MACROD2: variants seen among roughly 807,000 people sequenced by gnomAD.
The protein encoded by MACROD2 is mono-ADP ribosylhydrolase 2.
Under a neutral mutation model 70.4 loss-of-function variants are expected in MACROD2, and 36 were observed. That is an observed-to-expected ratio of 0.51 (90% CI 0.39 to 0.68). The LOEUF (loss-of-function observed/expected upper bound fraction) is 0.68. MACROD2 is among the 30% of genes least tolerant of loss of function. The pLI is 0.00. For synonymous variants in MACROD2, 172 were observed against 178.8 expected, an observed-to-expected ratio of 0.96 and a Z score of 0.30; for missense variants, 496 against 538.4, an observed-to-expected ratio of 0.92 and a Z score of 0.78.
chr20:14,337,711 C>G (rs1396606715), intron 3 of MACROD2: 5 of 393,584 alleles, frequency 1.3e-5, no homozygotes, highest in Non-Finnish European at 2.2e-5. Context: ...AGATCTTGTT[C>G]AGTGAGGTAA....
At chr20:15,166,900 TAATTTAAGTATTTAATTTAAGTATTA>T (rs1371416305) in intron 5 of MACROD2, among the ~76,000 whole-genome samples, 33 of 150,300 alleles carry the variant, frequency 2.2e-4, no homozygotes, top group Admixed American at 4.0e-4. Context: ...TATTAAGTAT[TAATTTAAGTATTTAATTTAAGTATTA>T]AATTTAAGTA....
chr20:15,593,567 GA>G (rs1009154213), intron 8 of MACROD2, among the ~76,000 whole-genome samples: 13 of 152,136 alleles, frequency 8.5e-5, no homozygotes, highest in African/African-American at 3.1e-4. Context: ...GTAATCTAAG[GA>G]CTATGGAATA....
chr20:15,237,625 AGAG>A (rs1019214904), intron 6 of MACROD2, among the ~76,000 whole-genome samples: 12 of 152,052 alleles, frequency 7.9e-5, no homozygotes, highest in African/African-American at 2.7e-4. Context: ...GGAACAGCGC[AGAG>A]GAGTGGGGAT....
intron 4 of MACROD2, among the ~76,000 whole-genome samples, chr20:14,612,449 T>C (rs1025744108): frequency 1.3e-5 from 2 of 152,116 alleles, no homozygotes; most frequent in Non-Finnish European, 1.5e-5. Context: ...ATAATAATTG[T>C]ACTGTAATTT....
chr20:15,506,308 G>T (rs1221895430), intron 8 of MACROD2, among the ~76,000 whole-genome samples: 2 of 152,188 alleles, frequency 1.3e-5, no homozygotes, highest in African/African-American at 4.8e-5. Flanking sequence ...TGCTGAAGAA[G>T]CTGAACATAT....
intron 3 of MACROD2, among the ~76,000 whole-genome samples, chr20:14,100,557 T>G (rs1233492614): frequency 6.8e-6 from 1 of 147,094 alleles, no homozygotes; most frequent in Non-Finnish European, 1.5e-5. Context: ...ATAACCACTA[T>G]TAATACTTGT....
chr20:15,355,767 A>T (rs2078279985), intron 6 of MACROD2, among the ~76,000 whole-genome samples: 1 of 152,212 alleles, frequency 6.6e-6, no homozygotes, highest in African/African-American at 2.4e-5. Flanking sequence ...AGGGCTTCAA[A>T]AGTTTCAAGC....
chr20:15,445,457 TAA>T (rs897116987), intron 7 of MACROD2, among the ~76,000 whole-genome samples: 10 of 152,098 alleles, frequency 6.6e-5, no homozygotes, highest in Admixed American at 1.3e-4. Context: ...AAGCTTTCCA[TAA>T]GAGAGAGAGA....
At chr20:14,340,879 A>G (rs937860790) in intron 3 of MACROD2, among the ~76,000 whole-genome samples, 1 of 152,178 alleles carries the variant, frequency 6.6e-6, no homozygotes, top group African/African-American at 2.4e-5. Context: ...TTATGAGAAA[A>G]TGTGAGATGT....
At chr20:14,124,834 C>T (rs945011709) in intron 3 of MACROD2, among the ~76,000 whole-genome samples, 6 of 152,120 alleles carry the variant, frequency 3.9e-5, no homozygotes, top group African/African-American at 4.8e-5. Context: ...CATATGTTTT[C>T]GCAAGAACTT....
intron 5 of MACROD2, among the ~76,000 whole-genome samples, chr20:14,806,112 G>A (rs535876150): frequency 3.9e-5 from 6 of 152,242 alleles, no homozygotes; most frequent in Admixed American, 6.5e-5. Context: ...TTTCCTGAGG[G>A]CATCTGGTAC....
chr20:14,706,255 A>G (rs2071269059), intron 5 of MACROD2, among the ~76,000 whole-genome samples: 1 of 151,960 alleles, frequency 6.6e-6, no homozygotes, highest in East Asian at 1.9e-4. Context: ...TGGAGGTTGC[A>G]GTGAGCAGAG....
chr20:14,794,754 G>T lies in MACROD2; in HGVS notation c.418+109795G>T, dbSNP rs539257743. 1.6e-4 allele frequency among the ~76,000 whole-genome samples: 25 copies of T among 152,168 alleles called. No individual in the cohort carries two copies. In the South Asian group the frequency reaches 5.0e-3, roughly 30 times the overall value. On this transcript the variant is annotated intron_variant, in intron 5 of 17. Coordinates refer to ENST00000684519, the MANE Select transcript of MACROD2 (RefSeq NM_001351661.2). ...TTTACTGGGGTCTTATAAGTGCCAG[G>T]CACTGAGGAATCAAAGTTAACAAGA...
chr20:15,403,425 A>AAGGAGGAGGAGGAGGACG (rs141164744), intron 6 of MACROD2, among the ~76,000 whole-genome samples: 1 of 151,376 alleles, frequency 6.6e-6, no homozygotes, highest in Admixed American at 6.6e-5. Context: ...AGAGAAGAAG[A>AAGGAGGAGGAGGAGGACG]AGGAGGAGGA....
At chr20:15,244,878 T>A (rs901545980) in intron 6 of MACROD2, among the ~76,000 whole-genome samples, 1 of 152,196 alleles carries the variant, frequency 6.6e-6, no homozygotes, top group African/African-American at 2.4e-5. Flanking sequence ...AGGCACACAT[T>A]TGCCAATATT....
rs1379887675 is a variant in MACROD2 at position 16,049,862 on chromosome 20, A to G, written c.1333A>G (p.Asn445Asp). ...GAQDEAKEQR[N>D]GTK The stretch of plus-strand genomic sequence containing the variant: ...ACAAGATGAAGCGAAGGAACAAAGA[A>G]ATGGAACTAAATGACAATCCTCAGC... The change falls in exon 18 of 18, where the codon AAT becomes GAT. Residue 445 changes from asparagine (N) to aspartate (D), a missense_variant. Transcript: ENST00000684519. 3 of 1,591,816 alleles carry G rather than the reference A, an allele frequency of 1.9e-6. No homozygotes were observed. Among genetic ancestry groups the G allele is most frequent in the Non-Finnish European group, 2.6e-6 (3 of 1,165,730 alleles).
At chr20:14,363,816 C>CAAAAAAAAAAAAAAAAAAAAAA (rs569929488) in intron 3 of MACROD2, among the ~76,000 whole-genome samples, 1 of 71,560 alleles carries the variant, frequency 1.4e-5, no homozygotes, top group African/African-American at 6.2e-5. Flanking sequence ...GACTCTGTCT[C>CAAAAAAAAAAAAAAAAAAAAAA]AAAAAAAAAA....
intron 13 of MACROD2, among the ~76,000 whole-genome samples, chr20:15,970,312 T>C (rs545371169): frequency 6.6e-6 from 1 of 152,272 alleles, no homozygotes; most frequent in Non-Finnish European, 1.5e-5. Context: ...TCTAGATAAA[T>C]ATTGATGGTA....
rs540159024 is a variant in MACROD2 at position 14,054,993 on chromosome 20, A to T, written c.164-30628A>T. Among the ~76,000 whole-genome samples, 523 of 152,284 alleles carry T rather than the reference A, an allele frequency of 3.4e-3. 2 individuals carry two copies. Among genetic ancestry groups the T allele is most frequent in the Middle Eastern group, 0.014 (4 of 294 alleles). Reference sequence around the variant, plus strand: ...ATGGGTTAATTTTGTTAATATTAGTATGTTGACAAAAGAAAACATAAAGGT... The same window carrying T: ...ATGGGTTAATTTTGTTAATATTAGTTTGTTGACAAAAGAAAACATAAAGGT... On this transcript the variant is annotated intron_variant, in intron 2 of 17. Coordinates refer to ENST00000684519, the MANE Select transcript of MACROD2 (RefSeq NM_001351661.2).
Sources: gnomAD v4.1 joint callset for allele counts (sites outside exome capture counted in the v4.1 genomes callset) on GRCh38, gnomAD v4.1.1 for gene constraint, MANE v1.5 for transcripts, NCBI Gene and HGNC (gene_info 2026-07-23, HGNC 2026-07-21) for gene names.